The following ZDHHC21 variants were observed in gnomAD, a reference collection of about 807,000 sequenced individuals.
ZDHHC21 encodes the protein zDHHC palmitoyltransferase 21, also known as palmitoyltransferase ZDHHC21.
ZDHHC21 carries 15 observed loss-of-function variants against 34.6 expected under a neutral mutation model. That is an observed-to-expected ratio of 0.43 (90% CI 0.29 to 0.67). The LOEUF (loss-of-function observed/expected upper bound fraction) is 0.67. Ranked by LOEUF, ZDHHC21 falls within the 30% of genes least tolerant of loss-of-function variation. ZDHHC21 has a pLI of 0.14. For missense variants in ZDHHC21, 344 were observed against 327.7 expected, an observed-to-expected ratio of 1.05 and a Z score of -0.38; for synonymous variants, 142 against 101.8, an observed-to-expected ratio of 1.40 and a Z score of -2.38.
At chr9:14,657,338 T>C (rs1158229398) in intron 7 of ZDHHC21, among the ~76,000 whole-genome samples, 1 of 152,162 alleles carries the variant, frequency 6.6e-6, no homozygotes, top group Non-Finnish European at 1.5e-5. Context: ...TTTACATATA[T>C]TATTTCATTT....
At chr9:14,660,499 T>A (rs544898678) in intron 6 of ZDHHC21, among the ~76,000 whole-genome samples, 1 of 149,846 alleles carries the variant, frequency 6.7e-6, no homozygotes, top group Admixed American at 6.7e-5. Flanking sequence ...TCTGAAAACA[T>A]CAAAAATTTT....
intron 8 of ZDHHC21, among the ~76,000 whole-genome samples, chr9:14,630,435 C>A (rs560751705): frequency 6.6e-6 from 1 of 152,196 alleles, no homozygotes; most frequent in Non-Finnish European, 1.5e-5. Flanking sequence ...TTAGTTACCA[C>A]CTCCACTGAA....
At position 14,612,070 on chromosome 9, in the gene ZDHHC21, T is replaced by C. The variant is rs1319843343; in HGVS notation, c.*6896A>G. 2.0e-5 allele frequency: 3 copies of C among 152,038 alleles called. No individual in the cohort carries two copies. Among genetic ancestry groups the C allele is most frequent in the Non-Finnish European group, 4.4e-5 (3 of 67,942 alleles). The allele number at this position is 152,038 out of a possible 1,614,324, so 9.4% of individuals were successfully genotyped here. On this transcript the variant is annotated 3_prime_UTR_variant, in exon 10 of 10. Coordinates refer to ENST00000380916, the MANE Select transcript of ZDHHC21 (RefSeq NM_178566.6). ...TGGCAACACAATCTAGGGAATATTGTTGGCAGATTAGAGAGAGATAATGTT... is the reference window on the plus strand; with the variant it reads ...TGGCAACACAATCTAGGGAATATTGCTGGCAGATTAGAGAGAGATAATGTT...
At chr9:14,599,176 G>C in the ZDHHC21 span, among the ~76,000 whole-genome samples, 1 of 152,218 alleles carries the variant, frequency 6.6e-6, no homozygotes, top group Admixed American at 6.5e-5. Context: ...AATAGGAACA[G>C]CTTTGGTCTG....
chr9:14,624,606 G>A (rs879363573), intron 8 of ZDHHC21, among the ~76,000 whole-genome samples: 1 of 152,090 alleles, frequency 6.6e-6, no homozygotes, highest in Non-Finnish European at 1.5e-5. Flanking sequence ...TGATCTCACA[G>A]AAGTATGAAT....
chr9:14,673,002 T>G, intron 4 of ZDHHC21, 74 bp from the exon 5 acceptor site: 1 of 952,478 alleles, frequency 1.0e-6, no homozygotes, highest in South Asian at 2.3e-5. Context: ...TATTTAAAGT[T>G]TAAAATGTAT....
chr9:14,674,160 C>A lies in ZDHHC21; in HGVS notation c.154+27G>T, dbSNP rs200140489. Reference sequence around the variant, plus strand: ...GTTTACAATGAGAAAAATAATTATACAAGAAAATAAAGATCAAGAAACTTA... The same window carrying A: ...GTTTACAATGAGAAAAATAATTATAAAAGAAAATAAAGATCAAGAAACTTA... On this transcript the variant is annotated intron_variant, in intron 4 of 9. Transcript: ENST00000380916. The A allele has an allele frequency of 7.0e-6, 10 of 1,437,546 alleles. No homozygotes were observed. In the East Asian group the frequency reaches 2.6e-4, roughly 37 times the overall value. The allele number at this position is 1,437,546 out of a possible 1,614,324, so 89.0% of individuals were successfully genotyped here. A position where few individuals can be genotyped will look rare whatever the true frequency, so the allele number is the denominator to read the frequency against.
intron 8 of ZDHHC21, among the ~76,000 whole-genome samples, chr9:14,628,836 C>T (rs571630525): frequency 1.3e-5 from 2 of 152,054 alleles, no homozygotes; most frequent in Non-Finnish European, 2.9e-5. Context: ...TATTTAAGTG[C>T]TAATTTAATT....
chr9:14,593,627 T>G, the ZDHHC21 span: 1 of 152,198 alleles, frequency 6.6e-6, no homozygotes, highest in South Asian at 2.1e-4. Context: ...AAGGAAGACA[T>G]GAAAGGAGCC....
At chr9:14,604,358 A>T in the ZDHHC21 span, among the ~76,000 whole-genome samples, 1 of 152,212 alleles carries the variant, frequency 6.6e-6, no homozygotes, top group Non-Finnish European at 1.5e-5. Context: ...GCCCAAATCT[A>T]CATTAATAAA....
the ZDHHC21 span, among the ~76,000 whole-genome samples, chr9:14,605,140 G>C: frequency 1.3e-5 from 2 of 151,122 alleles, no homozygotes; most frequent in Non-Finnish European, 2.9e-5. Context: ...TCCATCTCTT[G>C]GCTATTATGA....
chr9:14,634,549 C>T (rs1489480705), intron 8 of ZDHHC21, among the ~76,000 whole-genome samples: 1 of 152,140 alleles, frequency 6.6e-6, no homozygotes, highest in Non-Finnish European at 1.5e-5. Context: ...CACTAACAAC[C>T]ACACCCTAAG....
the ZDHHC21 span, among the ~76,000 whole-genome samples, chr9:14,596,337 C>T: frequency 7.2e-5 from 11 of 152,198 alleles, no homozygotes; most frequent in African/African-American, 2.4e-4. Flanking sequence ...CATGAGGCTG[C>T]GCCCCAAGCA....
rs1027728919 is a variant in ZDHHC21, at chr9:14,616,803, A to G, written c.*2163T>C. 6.6e-6 allele frequency: 1 copy of G among 151,878 alleles called. No homozygotes were observed. Among genetic ancestry groups the G allele is most frequent in the Non-Finnish European group, 1.5e-5 (1 of 67,854 alleles). 9.4% of individuals were successfully genotyped at this position (151,878 alleles called of 1,614,324 possible). A position where few individuals can be genotyped will look rare whatever the true frequency, so the allele number is the denominator to read the frequency against. ...TAAAATAAGTGTATGCTTTTCTAGT[A>G]TATTAGTTTGTAGTCCAATAATTTA... On this transcript the variant is annotated 3_prime_UTR_variant, in exon 10 of 10. Coordinates refer to ENST00000380916, the MANE Select transcript of ZDHHC21 (RefSeq NM_178566.6).
At chr9:14,666,715 A>T (rs1230032693) in intron 5 of ZDHHC21, among the ~76,000 whole-genome samples, 1 of 94,486 alleles carries the variant, frequency 1.1e-5, no homozygotes, top group African/African-American at 3.5e-5. Flanking sequence ...CCGCTCAACT[A>T]CATGGAAACT....
At chr9:14,659,930 T>A (rs1044443611) in intron 6 of ZDHHC21, among the ~76,000 whole-genome samples, 1 of 152,198 alleles carries the variant, frequency 6.6e-6, no homozygotes, top group Non-Finnish European at 1.5e-5. Context: ...AGATGACTTA[T>A]CATTGTTCCA....
At chr9:14,610,437 C>T (rs1449806828), downstream of ZDHHC21, among the ~76,000 whole-genome samples, 4 of 151,892 alleles carry the variant, frequency 2.6e-5, no homozygotes, top group Non-Finnish European at 5.9e-5. Flanking sequence ...GTTTTATTTG[C>T]AAATCTATCA....
At chr9:14,669,760 A>G (rs1299581763) in intron 5 of ZDHHC21, among the ~76,000 whole-genome samples, 1 of 149,706 alleles carries the variant, frequency 6.7e-6, no homozygotes, top group South Asian at 2.1e-4. Flanking sequence ...AAGAACAAAA[A>G]ACCAAACACT....
chr9:14,597,133 G>C, the ZDHHC21 span, among the ~76,000 whole-genome samples: 1 of 152,136 alleles, frequency 6.6e-6, no homozygotes, highest in African/African-American at 2.4e-5. Context: ...TTGTTCCAGA[G>C]AGGGAGTTTG....
Sources: gnomAD v4.1 joint callset for allele counts (sites outside exome capture counted in the v4.1 genomes callset) on GRCh38, gnomAD v4.1.1 for gene constraint, MANE v1.5 for transcripts, NCBI Gene and HGNC (gene_info 2026-07-23, HGNC 2026-07-21) for gene names.